The following ADAMTS9 variants were observed in gnomAD, a reference collection of about 807,000 sequenced individuals.
ADAMTS9 encodes ADAM metallopeptidase with thrombospondin type 1 motif 9, also known as A disintegrin and metalloproteinase with thrombospondin motifs 9.
A neutral mutation model predicts 257.1 loss-of-function variants in ADAMTS9; 107 were observed. The observed-to-expected ratio is 0.42, with a 90% CI of 0.36 to 0.49. The LOEUF (loss-of-function observed/expected upper bound fraction) is 0.49. Ranked by LOEUF, ADAMTS9 falls within the 20% of genes least tolerant of loss-of-function variation. The pLI is 0.03. For synonymous variants in ADAMTS9, 982 were observed against 880.9 expected (o/e 1.11, Z -2.03); for missense variants, 2,353 against 2,469.1 (o/e 0.95, Z 1.00).
chr3:64,541,586 T>C lies in ADAMTS9; in HGVS notation c.5232A>G (p.Arg1744=). ...CACCATCTTCACTGGCACCTTTAAGTCTTTTTACCTCCTTGCAATTCTGGG... is the reference window on the plus strand; with the variant it reads ...CACCATCTTCACTGGCACCTTTAAGCCTTTTTACCTCCTTGCAATTCTGGG... ...ELPQNCKEVK[R]LKGASEDGEY... The change falls in exon 34 of 40, where the codon AGA becomes AGG. Residue 1744 remains arginine (R), a synonymous_variant. Coordinates refer to ENST00000498707, the MANE Select transcript of ADAMTS9 (RefSeq NM_182920.2). 1 of 1,614,108 alleles carries C rather than the reference T, an allele frequency of 6.2e-7. No individual in the cohort carries two copies. The highest frequency in any genetic ancestry group is 8.5e-7 in the Non-Finnish European group (1 of 1,180,012).
chr3:64,682,137 C>T (rs1462807360), intron 2 of ADAMTS9, among the ~76,000 whole-genome samples: 1 of 152,286 alleles, frequency 6.6e-6, no homozygotes, highest in East Asian at 1.9e-4. Flanking sequence ...CCAGATTGCC[C>T]TAGGTTCCAA....
chr3:64,647,359 T>C (rs1700823962), intron 11 of ADAMTS9, among the ~76,000 whole-genome samples: 2 of 152,226 alleles, frequency 1.3e-5, no homozygotes, highest in African/African-American at 4.8e-5. Context: ...CTGTTACCAT[T>C]GGGCCACAAA....
At chr3:64,610,004 C>T (rs530967073) in intron 22 of ADAMTS9, among the ~76,000 whole-genome samples, 1 of 152,150 alleles carries the variant, frequency 6.6e-6, no homozygotes, top group African/African-American at 2.4e-5. Context: ...GTGCCAAGAC[C>T]ACTCAATGGA....
At chr3:64,581,268 C>A (rs2083992242) in intron 28 of ADAMTS9, among the ~76,000 whole-genome samples, 1 of 152,190 alleles carries the variant, frequency 6.6e-6, no homozygotes, top group Non-Finnish European at 1.5e-5. Context: ...TTGGTAACTA[C>A]TGAAGTGGAG....
intron 28 of ADAMTS9, among the ~76,000 whole-genome samples, chr3:64,571,249 T>G (rs527512176): frequency 3.3e-5 from 5 of 152,346 alleles, no homozygotes; most frequent in African/African-American, 9.6e-5. Context: ...TCATCTAATT[T>G]AATCATCCCA....
At chr3:64,554,434 G>A (rs1225024103) in intron 30 of ADAMTS9, among the ~76,000 whole-genome samples, 1 of 152,146 alleles carries the variant, frequency 6.6e-6, no homozygotes, top group Non-Finnish European at 1.5e-5. Flanking sequence ...CTAGGGTATG[G>A]GGGCTGGGTA....
At chr3:64,636,010 G>C (rs1700485677) in intron 12 of ADAMTS9, among the ~76,000 whole-genome samples, 1 of 152,112 alleles carries the variant, frequency 6.6e-6, no homozygotes. Context: ...AGCTGACTAT[G>C]GTGGATCAAT....
intron 28 of ADAMTS9, among the ~76,000 whole-genome samples, chr3:64,573,350 A>G (rs958921904): frequency 7.2e-5 from 11 of 152,324 alleles, no homozygotes; most frequent in Middle Eastern, 3.4e-3. Context: ...CAACTAGTCC[A>G]TATTTCCAAC....
intron 3 of ADAMTS9, among the ~76,000 whole-genome samples, chr3:64,675,240 T>C (rs562984616): frequency 2.6e-5 from 4 of 152,148 alleles, no homozygotes; most frequent in Non-Finnish European, 5.9e-5. Context: ...GCGGTAAGAA[T>C]TGAAATATGT....
intron 31 of ADAMTS9, among the ~76,000 whole-genome samples, chr3:64,548,655 C>T (rs1163296369): frequency 6.6e-6 from 1 of 152,110 alleles, no homozygotes; most frequent in Non-Finnish European, 1.5e-5. Flanking sequence ...CAAATATGGT[C>T]AGGCTAAACA....
chr3:64,602,679 T>A (rs11720408), intron 25 of ADAMTS9, among the ~76,000 whole-genome samples: 34,858 of 152,082 alleles, frequency 0.23, 4,466 homozygotes, highest in Non-Finnish European at 0.27. Context: ...CCACTTAAAT[T>A]CCCATGTGTG....
chr3:64,645,051 G>T (rs11917496), intron 11 of ADAMTS9, among the ~76,000 whole-genome samples: 77,514 of 152,024 alleles, frequency 0.51, 20,589 homozygotes, highest in East Asian at 0.88. Context: ...ATGCTGGGAA[G>T]GGGGTCTGTT....
chr3:64,625,378 G>A (rs1365080901), intron 16 of ADAMTS9, among the ~76,000 whole-genome samples: 1 of 152,160 alleles, frequency 6.6e-6, no homozygotes, highest in Non-Finnish European at 1.5e-5. Context: ...CAGGAGAGAA[G>A]CAATGTGTAC....
At chr3:64,557,598 A>T (rs557490898) in intron 30 of ADAMTS9, among the ~76,000 whole-genome samples, 2 of 152,300 alleles carry the variant, frequency 1.3e-5, no homozygotes, top group African/African-American at 4.8e-5. Context: ...AGAAGCCTCC[A>T]TCGGAAGGCC....
chr3:64,563,846 C>G (rs984469230), intron 29 of ADAMTS9, among the ~76,000 whole-genome samples: 2 of 152,206 alleles, frequency 1.3e-5, no homozygotes, highest in African/African-American at 4.8e-5. Flanking sequence ...GTAATCTTTG[C>G]TCAAAATGAG....
At position 64,684,510 on chromosome 3, in the gene ADAMTS9, G is replaced by C. The variant is rs552259088; in HGVS notation, c.516+2058C>G. 8.5e-5 allele frequency among the ~76,000 whole-genome samples: 13 copies of C among 152,268 alleles called. No individual in the cohort carries two copies. In the East Asian group the frequency reaches 9.7e-4, roughly 11 times the overall value. ...GATGCCACTGCTGCAGAAGTGGTAA[G>C]GGGAAGTCTTGGGAGGAGATAACTT... On this transcript the variant is annotated intron_variant, in intron 2 of 39. Coordinates refer to ENST00000498707, the MANE Select transcript of ADAMTS9 (RefSeq NM_182920.2).
At chr3:64,652,025 A>T (rs1384192349) in intron 8 of ADAMTS9, among the ~76,000 whole-genome samples, 1 of 152,140 alleles carries the variant, frequency 6.6e-6, no homozygotes, top group African/African-American at 2.4e-5. Flanking sequence ...ATCCAGAAAC[A>T]CCAATTCTGT....
intron 12 of ADAMTS9, among the ~76,000 whole-genome samples, chr3:64,639,738 C>T (rs1013231959): frequency 6.6e-6 from 1 of 152,068 alleles, no homozygotes; most frequent in African/African-American, 2.4e-5. Context: ...GTAAAAAATT[C>T]ATCATATTAG....
chr3:64,686,469 C>G lies in ADAMTS9; in HGVS notation c.516+99G>C, dbSNP rs1701910217. ...ATTTAACGCCGGAGAGGAGCGGAGC[C>G]TCGCCACAGTGAGGGTCTCTAGGCT... On this transcript the variant is annotated intron_variant, in intron 2 of 39. Transcript: ENST00000498707. This position sits in a 1 kb window ranked among gnomAD's most constrained non-coding sequence, Gnocchi z 4.6. The G allele has an allele frequency of 2.1e-6, 3 of 1,422,364 alleles. No homozygotes were observed. The allele number at this position is 1,422,364 out of a possible 1,614,324, so 88.1% of individuals were successfully genotyped here.
Sources: allele counts gnomAD v4.1 joint callset (sites outside exome capture counted in the v4.1 genomes callset), GRCh38; gene constraint gnomAD v4.1.1; non-coding constraint Gnocchi (gnomAD v3.1); transcripts MANE v1.5; gene names NCBI Gene and HGNC (gene_info 2026-07-23, HGNC 2026-07-21).